ODAD1: variants seen among roughly 807,000 people sequenced by gnomAD.
ODAD1 encodes the protein outer dynein arm docking complex subunit 1.
In ODAD1, 49 loss-of-function variants were observed where a neutral mutation model predicts 67.2. The ratio of observed to expected loss-of-function variants is 0.73; its 90% CI spans 0.58 to 0.92. The LOEUF (loss-of-function observed/expected upper bound fraction) is 0.92, where lower values mean the gene tolerates loss of function less well. Among genes scored for constraint, ODAD1 ranks in the 40% least tolerant of loss-of-function variants. ODAD1 has a pLI of 0.00. For missense variants in ODAD1, 897 were observed against 953.7 expected (o/e 0.94, Z 0.78); for synonymous variants, 345 against 393.7 (o/e 0.88, Z 1.46).
chr19:48,308,168 T>C (rs1968666558), intron 7 of ODAD1, among the ~76,000 whole-genome samples: 1 of 151,820 alleles, frequency 6.6e-6, no homozygotes, highest in South Asian at 2.1e-4. Flanking sequence ...AGAGAAGTGT[T>C]TCCTTTTTGC....
intron 2 of ODAD1, 23 bp from the exon 3 acceptor site, chr19:48,320,414 C>CA: frequency 8.0e-7 from 1 of 1,244,450 alleles, no homozygotes; most frequent in Non-Finnish European, 1.0e-6. Context: ...ACATATAAGA[C>CA]CCTTCAGACA....
At position 48,298,032 on chromosome 19, in the gene ODAD1, C is replaced by T. The variant is rs1379385397; in HGVS notation, c.1470G>A (p.Lys490=). 6.2e-7 allele frequency: 1 copy of T among 1,613,492 alleles called. No homozygotes were observed. Among genetic ancestry groups the T allele is most frequent in the East Asian group, 2.2e-5 (1 of 44,868 alleles). Residue 490 remains lysine (K), a synonymous_variant, in exon 14 of 16, where the codon AAG becomes AAA. Coordinates refer to ENST00000674294, the MANE Select transcript of ODAD1 (RefSeq NM_001364171.2). ...VLGQSLEDLP[K]KMAPLQPPDT... ...CAGGGGGCTGAAGTGGGGCCATCTT[C>T]TTCGGAAGGTCCTCCAGGCTCTGGC...
chr19:48,313,878 G>A (rs1383407507), intron 5 of ODAD1, among the ~76,000 whole-genome samples: 1 of 150,626 alleles, frequency 6.6e-6, no homozygotes, highest in African/African-American at 2.5e-5. Context: ...GGGAGATCCT[G>A]TCTCAAAACA....
In ODAD1 at chr19:48,311,072, C is replaced by T. The variant is rs1008817062; in HGVS notation, c.597+481G>A. Among the ~76,000 whole-genome samples the T allele has an allele frequency of 1.4e-4, 22 of 152,204 alleles. 1 individual carries two copies. Among genetic ancestry groups the T allele is most frequent in the African/African-American group, 5.1e-4 (21 of 41,530 alleles). On this transcript the variant is annotated intron_variant, in intron 7 of 15. Coordinates refer to ENST00000674294, the MANE Select transcript of ODAD1 (RefSeq NM_001364171.2). Reference sequence around the variant, plus strand: ...CTAAAAATACAAAAAATTAGCTGGGCGTGGTGGCAGGCCCCTGTAGTCCCA... The same window carrying T: ...CTAAAAATACAAAAAATTAGCTGGGTGTGGTGGCAGGCCCCTGTAGTCCCA...
intron 5 of ODAD1, among the ~76,000 whole-genome samples, chr19:48,313,826 T>A (rs1204060405): frequency 6.6e-6 from 1 of 152,114 alleles, no homozygotes; most frequent in Non-Finnish European, 1.5e-5. Context: ...GAAGCTGCAG[T>A]GAGCTGTGAT....
At chr19:48,317,737 G>A (rs976926524) in intron 5 of ODAD1, among the ~76,000 whole-genome samples, 1 of 150,586 alleles carries the variant, frequency 6.6e-6, no homozygotes, top group Non-Finnish European at 1.5e-5. Flanking sequence ...GGAGTGCAGC[G>A]GCGCGATCTT....
chr19:48,304,162 A>C, intron 8 of ODAD1, 22 bp from the exon 9 acceptor site: 1 of 1,571,000 alleles, frequency 6.4e-7, no homozygotes, highest in Non-Finnish European at 8.6e-7. Flanking sequence ...AGCCGGGGTC[A>C]GGATGACTGG....
Position 48,302,709 on chromosome 19 carries a change from C to G in ODAD1, c.1225G>C (p.Glu409Gln). 2 of 1,611,010 alleles carry G rather than the reference C, an allele frequency of 1.2e-6. No individual in the cohort carries two copies. The highest frequency in any genetic ancestry group is 1.7e-6 in the Non-Finnish European group (2 of 1,179,850). ...GGGTGCTCACCAGCCTTGAGCTTCTCCAGCTGTCCCCGCACATCCTGGAAG... is the reference window on the plus strand; with the variant it reads ...GGGTGCTCACCAGCCTTGAGCTTCTGCAGCTGTCCCCGCACATCCTGGAAG... ...ARFQDVRGQL[E>Q]KLKADIQLLF... is the part of the protein sequence containing the mutation. The change falls in exon 12 of 16, where the codon GAG (glutamate) becomes CAG (glutamine). Residue 409 changes from glutamate to glutamine, a missense_variant. By Grantham distance (29) the Glu-to-Gln change is conservative. Coordinates refer to ENST00000674294, the MANE Select transcript of ODAD1 (RefSeq NM_001364171.2).
intron 5 of ODAD1, among the ~76,000 whole-genome samples, chr19:48,312,508 C>T (rs2147328860): frequency 6.6e-6 from 1 of 151,286 alleles, no homozygotes; most frequent in African/African-American, 2.4e-5. Flanking sequence ...CCTCCACCTC[C>T]CAGGCTCGAG....
intron 5 of ODAD1, among the ~76,000 whole-genome samples, chr19:48,312,527 G>A (rs1968792818): frequency 6.9e-6 from 1 of 145,880 alleles, no homozygotes; most frequent in Non-Finnish European, 1.5e-5. Context: ...AGCAATTCTA[G>A]TGCCTCAACC....
chr19:48,296,979 G>A lies in ODAD1; in HGVS notation c.2121C>T (p.Gly707=), dbSNP rs1161641367. 2 of 1,595,310 alleles carry A rather than the reference G, an allele frequency of 1.3e-6. No homozygotes were observed. Among genetic ancestry groups the A allele is most frequent in the Non-Finnish European group, 1.7e-6 (2 of 1,172,048 alleles). ...TGGGGGCTGCGTGCCCCTCGTGTTAGCCCCGGGAGTCTTTGCTGGTGGAGG... is the reference window on the plus strand; with the variant it reads ...TGGGGGCTGCGTGCCCCTCGTGTTAACCCCGGGAGTCTTTGCTGGTGGAGG... ...PGSSTSKDSR[G] Residue 707 remains glycine (G), a synonymous_variant, in exon 16 of 16, where the codon GGC becomes GGT. Transcript: ENST00000674294.
rs1968541312 is a variant in ODAD1 at position 48,304,030 on chromosome 19, T to C, written c.776A>G (p.Gln259Arg). The C allele has an allele frequency of 6.2e-7, 1 of 1,614,112 alleles. No individual in the cohort carries two copies. Among genetic ancestry groups the C allele is most frequent in the Non-Finnish European group, 8.5e-7 (1 of 1,180,044 alleles). The change falls in exon 9 of 16, where the codon CAG becomes CGG. Residue 259 changes from glutamine to arginine, a missense_variant. Coordinates refer to ENST00000674294, the MANE Select transcript of ODAD1 (RefSeq NM_001364171.2). ...VLQRQILHLE[Q>R]LHHFLKLKNN... Reference sequence around the variant, plus strand: ...CTTGAGCTTGAGGAAGTGGTGCAGCTGCTCCAGGTGCAAGATCTGCCGCTG... The same window carrying C: ...CTTGAGCTTGAGGAAGTGGTGCAGCCGCTCCAGGTGCAAGATCTGCCGCTG...
rs368328973 is a variant in ODAD1, at chr19:48,297,180, G to A, written c.1920C>T (p.Pro640=). 42 of 1,614,032 alleles carry A rather than the reference G, an allele frequency of 2.6e-5. No individual in the cohort carries two copies. The highest frequency in any genetic ancestry group is 5.3e-5 in the African/African-American group (4 of 74,946). ...AGCCCAGGTAGCTGCTGGCGCTGAC[G>A]GGTCTGAAGGTCACGTGGCCCCCAC... ...ASSGGHVTFR[P]VSASSYLGST... Residue 640 remains proline (P), a synonymous_variant, in exon 16 of 16, where the codon CCC becomes CCT. Transcript: ENST00000674294.
intron 7 of ODAD1, 32 bp from the exon 8 acceptor site, chr19:48,306,355 C>T (rs1297508046): frequency 4.6e-6 from 7 of 1,523,456 alleles, no homozygotes; most frequent in South Asian, 1.2e-5. Flanking sequence ...ATCAGTGCCA[C>T]TTCTTACAAC....
Position 48,298,106 on chromosome 19 carries a change from T to C in ODAD1, c.1405-9A>G. 1 of 1,611,832 alleles carries C rather than the reference T, an allele frequency of 6.2e-7. No individual in the cohort carries two copies. Among genetic ancestry groups the C allele is most frequent in the East Asian group, 2.2e-5 (1 of 44,798 alleles). ...GCCAGGGAGGTGAAGCTCTGGAGAG[T>C]GTGGGAGCCTGCGGTCAGCTGGGCC... On this transcript the variant is annotated splice_polypyrimidine_tract_variant and intron_variant, in intron 13 of 15. Transcript: ENST00000674294.
At position 48,297,636 on chromosome 19, in the gene ODAD1, T is replaced by G; in HGVS notation, c.1535A>C (p.Asp512Ala). The part of the protein sequence containing the change: ...EDPPGFEASD[D>A]YPMSREELLS... ...CAGCTCCTCCCTGCTCATGGGGTAG[T>G]CATCGCTGGCCTCAAAACCCGGGGG... Residue 512 changes from aspartate (D) to alanine (A), a missense_variant, in exon 15 of 16, where the codon GAC becomes GCC. Transcript: ENST00000674294. The G allele has an allele frequency of 6.6e-7, 1 of 1,523,890 alleles. No homozygotes were observed. Among genetic ancestry groups the G allele is most frequent in the Non-Finnish European group, 8.8e-7 (1 of 1,138,396 alleles). 94.4% of individuals were successfully genotyped at this position (1,523,890 alleles called of 1,614,324 possible). A position where few individuals can be genotyped will look rare whatever the true frequency, so the allele number is the denominator to read the frequency against.
At chr19:48,306,375 C>G in intron 7 of ODAD1, 52 bp from the exon 8 acceptor site, 1 of 1,470,636 alleles carries the variant, frequency 6.8e-7, no homozygotes, top group Non-Finnish European at 9.3e-7. Flanking sequence ...CCCCATTGCT[C>G]GAAGTCTTTC....
chr19:48,318,227 AG>A (rs1394316818), intron 5 of ODAD1, among the ~76,000 whole-genome samples, 159 bp downstream of exon 5: 3 of 152,034 alleles, frequency 2.0e-5, no homozygotes, highest in Non-Finnish European at 4.4e-5. Context: ...CCTGACCTCA[AG>A]TGATCTGCCC....
rs1203002740 is a variant in ODAD1, at chr19:48,312,410, T to TG, written c.361-295_361-294insC. Among the ~76,000 whole-genome samples the TG allele has an allele frequency of 2.4e-3, 203 of 84,024 alleles. 2 individuals carry two copies. Among genetic ancestry groups the TG allele is most frequent in the South Asian group, 0.011 (32 of 2,906 alleles). 55.1% of individuals were successfully genotyped at this position (84,024 alleles called of 152,430 possible). On this transcript the variant is annotated intron_variant, in intron 5 of 15. Transcript: ENST00000674294. ...GCCTGACTCCTTTCCGTTTTTTTTT[T>TG]TGTTTTTTTTTTTTTTTTTTTTGAG...
Sources: allele counts gnomAD v4.1 joint callset (sites outside exome capture counted in the v4.1 genomes callset), GRCh38; gene constraint gnomAD v4.1.1; transcripts MANE v1.5; gene names NCBI Gene and HGNC (gene_info 2026-07-23, HGNC 2026-07-21).